Variants in CFAP299 observed in about 807,000 individuals in gnomAD.
CFAP299 encodes cilia and flagella associated protein 299, also known as cilia- and flagella-associated protein 299.
In CFAP299, 21 loss-of-function variants were observed where a neutral mutation model predicts 27.0. The ratio of observed to expected loss-of-function variants is 0.78; its 90% confidence interval spans 0.55 to 1.12. The LOEUF (loss-of-function observed/expected upper bound fraction) is 1.12, where lower values mean the gene tolerates loss of function less well. Among genes scored for constraint, CFAP299 ranks in the 50% most tolerant of loss-of-function variants. The pLI is 0.00. For missense variants in CFAP299, 310 were observed against 276.6 expected (o/e 1.12, Z -0.86); for synonymous variants, 104 against 98.1 (o/e 1.06, Z -0.36).
At chr4:80,675,872 T>G (rs1399892100) in intron 3 of CFAP299, among the ~76,000 whole-genome samples, 2 of 152,206 alleles carry the variant, frequency 1.3e-5, no homozygotes, top group East Asian at 3.9e-4. Context: ...TCTCTTCATG[T>G]GTTGTTTGCT....
At chr4:80,722,322 C>T (rs1722869918) in intron 3 of CFAP299, among the ~76,000 whole-genome samples, 1 of 151,454 alleles carries the variant, frequency 6.6e-6, no homozygotes, top group South Asian at 2.1e-4. Context: ...AAGGCTGAGG[C>T]AGGAGAATCG....
chr4:80,739,050 A>G (rs1443300909), intron 3 of CFAP299, among the ~76,000 whole-genome samples: 1 of 151,924 alleles, frequency 6.6e-6, no homozygotes, highest in Non-Finnish European at 1.5e-5. Flanking sequence ...AAAACTCTAT[A>G]CTTTAGTTTC....
intron 2 of CFAP299, among the ~76,000 whole-genome samples, chr4:80,523,833 T>C (rs1335867951): frequency 1.3e-5 from 2 of 152,138 alleles, no homozygotes; most frequent in Non-Finnish European, 2.9e-5. Context: ...ATTTTTTCTA[T>C]ATATTCTATG....
In CFAP299 at chr4:80,522,165, T is replaced by A. The variant is rs563433169; in HGVS notation, c.243-60928T>A. ...GTTTTGGTTTTTATTTTATTTATTT[T>A]TCTTTATTTATTTTAAATATAAGGG... On this transcript the variant is annotated intron_variant, in intron 2 of 5. Coordinates refer to ENST00000358105, the MANE Select transcript of CFAP299 (RefSeq NM_152770.3). 2.5e-4 allele frequency among the ~76,000 whole-genome samples: 38 copies of A among 152,078 alleles called. No individual in the cohort carries two copies. The South Asian group carries it at 7.7e-3, about 31-fold the overall frequency.
intron 3 of CFAP299, among the ~76,000 whole-genome samples, chr4:80,657,495 C>T (rs1057079666): frequency 6.6e-6 from 1 of 152,044 alleles, no homozygotes; most frequent in Non-Finnish European, 1.5e-5. Context: ...ATCCTTTCCC[C>T]ATTGCTTTTT....
intron 2 of CFAP299, among the ~76,000 whole-genome samples, chr4:80,471,135 TAGTAGATTGTC>T (rs1283002122): frequency 6.6e-6 from 1 of 152,230 alleles, no homozygotes; most frequent in East Asian, 1.9e-4. Flanking sequence ...AGCCTCATAG[TAGTAGATTGTC>T]AGCTAAATTA....
chr4:80,831,393 C>A (rs1730292591), intron 3 of CFAP299, among the ~76,000 whole-genome samples: 1 of 152,072 alleles, frequency 6.6e-6, no homozygotes, highest in Non-Finnish European at 1.5e-5. Context: ...CTGTGCATGT[C>A]CATACTTCAC....
intron 3 of CFAP299, among the ~76,000 whole-genome samples, chr4:80,628,958 C>CT (rs1289872947): frequency 6.6e-6 from 1 of 152,156 alleles, no homozygotes; most frequent in Non-Finnish European, 1.5e-5. Flanking sequence ...TCCAGCAATC[C>CT]CACTACTGAA....
chr4:80,331,085 C>T (rs148861436), upstream of CFAP299, among the ~76,000 whole-genome samples: 109 of 152,124 alleles, frequency 7.2e-4, 1 homozygote, highest in African/African-American at 2.0e-3. Context: ...ATCTCTATAC[C>T]GAGATCTATA....
At chr4:80,401,464 G>A (rs1193754198) in intron 2 of CFAP299, among the ~76,000 whole-genome samples, 6 of 152,200 alleles carry the variant, frequency 3.9e-5, no homozygotes, top group African/African-American at 1.4e-4. Context: ...GTACAGCTTG[G>A]GCTGTGGCTT....
At chr4:80,474,590 A>G (rs1355054734) in intron 2 of CFAP299, among the ~76,000 whole-genome samples, 1 of 152,208 alleles carries the variant, frequency 6.6e-6, no homozygotes, top group Non-Finnish European at 1.5e-5. Context: ...ATATCATATG[A>G]TAGAATGTGG....
At position 80,368,649 on chromosome 4, in the gene CFAP299, C is replaced by T. The variant is rs1036160830; in HGVS notation, c.242+5765C>T. On this transcript the variant is annotated intron_variant, in intron 2 of 5. Transcript: ENST00000358105. ...TAAAAAAAAATTATGGTGATGAAGT[C>T]GGATAAAATTCCAGAGTTTATTTTA... Among the ~76,000 whole-genome samples, 11 of 152,064 alleles carry T rather than the reference C, an allele frequency of 7.2e-5. No individual in the cohort carries two copies. In the East Asian group the frequency reaches 1.7e-3, roughly 24 times the overall value.
At chr4:80,429,002 G>T (rs1727671833) in intron 2 of CFAP299, among the ~76,000 whole-genome samples, 1 of 152,164 alleles carries the variant, frequency 6.6e-6, no homozygotes, top group Admixed American at 6.5e-5. Flanking sequence ...AGAGCATGAG[G>T]TTATTTATGG....
At chr4:80,929,029 T>G (rs1736443239) in intron 4 of CFAP299, among the ~76,000 whole-genome samples, 1 of 152,108 alleles carries the variant, frequency 6.6e-6, no homozygotes, top group South Asian at 2.1e-4. Context: ...TCCCATCAAA[T>G]CAGTAGAACA....
At chr4:80,799,922 ATATATT>A (rs1230650741) in intron 3 of CFAP299, among the ~76,000 whole-genome samples, 16 of 46,022 alleles carry the variant, frequency 3.5e-4, no homozygotes, top group African/African-American at 1.4e-3. Flanking sequence ...TATATAATAT[ATATATT>A]TATATATTAT....
chr4:80,366,475 T>C (rs150444864), intron 2 of CFAP299, among the ~76,000 whole-genome samples: 293 of 152,342 alleles, frequency 1.9e-3, no homozygotes, highest in African/African-American at 6.8e-3. Flanking sequence ...AAAAATATTT[T>C]GGGCTTCTAT....
intron 3 of CFAP299, among the ~76,000 whole-genome samples, chr4:80,674,653 G>A (rs1195493829): frequency 5.3e-5 from 8 of 152,094 alleles, no homozygotes; most frequent in Non-Finnish European, 7.4e-5. Context: ...TCACTTTCAC[G>A]TACACTGATC....
chr4:80,477,347 C>T (rs537852490), intron 2 of CFAP299, among the ~76,000 whole-genome samples: 67 of 152,314 alleles, frequency 4.4e-4, no homozygotes, highest in Non-Finnish European at 8.5e-4. Context: ...AGGCATGAGC[C>T]ACCACATCCA....
intron 3 of CFAP299, among the ~76,000 whole-genome samples, chr4:80,728,641 C>T (rs1481576799): frequency 1.3e-5 from 2 of 152,154 alleles, no homozygotes; most frequent in Admixed American, 1.3e-4. Flanking sequence ...AATCAATCAC[C>T]ATATCCCATG....
Sources: allele counts gnomAD v4.1 joint callset (sites outside exome capture counted in the v4.1 genomes callset), GRCh38; gene constraint gnomAD v4.1.1; transcripts MANE v1.5; gene names NCBI Gene and HGNC (gene_info 2026-07-23, HGNC 2026-07-21).